Variants in CFAP73 observed in about 807,000 individuals in gnomAD.
The protein encoded by CFAP73 is cilia- and flagella-associated protein 73.
CFAP73 carries 33 observed loss-of-function variants against 42.9 expected under a neutral mutation model. The observed-to-expected ratio is 0.77, with a 90% CI of 0.58 to 1.03. CFAP73 has a LOEUF of 1.03. CFAP73 is among the 50% of genes least tolerant of loss of function. The pLI is 0.00. For missense variants in CFAP73, 392 were observed against 411.9 expected, an observed-to-expected ratio of 0.95 and a Z score of 0.42; for synonymous variants, 162 against 186.8, an observed-to-expected ratio of 0.87 and a Z score of 1.08.
chr12:113,154,609 G>A lies in CFAP73; in HGVS notation c.664G>A (p.Ala222Thr). 1 of 1,414,756 alleles carries A rather than the reference G, an allele frequency of 7.1e-7. No homozygotes were observed. The highest frequency in any genetic ancestry group is 3.4e-5 in the Admixed American group (1 of 29,820). 87.6% of individuals were successfully genotyped at this position (1,414,756 alleles called of 1,614,324 possible). The change falls in exon 5 of 8, where the codon GCT becomes ACT. Residue 222 changes from alanine to threonine, a missense_variant. Coordinates refer to ENST00000335621, the MANE Select transcript of CFAP73 (RefSeq NM_001144872.3). This position sits in a 1 kb window ranked among gnomAD's most constrained non-coding sequence, Gnocchi z 4.7. ...RRAQLQERLE[A>T]ARERTLQWES... ...GGCACAGCTGCAGGAGCGCCTGGAG[G>A]CTGCCAGGGAGCGTACGCTGCAGTG...
rs1211246882 is a variant in CFAP73, at chr12:113,152,533, G to A, written c.163-250G>A. Among the ~76,000 whole-genome samples, 4 of 152,250 alleles carry A rather than the reference G, an allele frequency of 2.6e-5. No individual in the cohort carries two copies. The East Asian group carries it at 7.7e-4, about 29-fold the overall frequency. ...GCAAGAACCAAACACAGGTGGTTGA[G>A]TGGCTGGAAGACAGAATATGGGAGG... On this transcript the variant is annotated intron_variant, in intron 2 of 7. Coordinates refer to ENST00000335621, the MANE Select transcript of CFAP73 (RefSeq NM_001144872.3).
In CFAP73 at chr12:113,158,621, A is replaced by C. The variant is rs565984923; in HGVS notation, c.*12-80A>C. The C allele has an allele frequency of 2.2e-6, 1 of 464,854 alleles. No individual in the cohort carries two copies. The highest frequency in any genetic ancestry group is 2.0e-5 in the African/African-American group (1 of 49,904). The allele number at this position is 464,854 out of a possible 1,614,324, so 28.8% of individuals were successfully genotyped here. On this transcript the variant is annotated intron_variant, in intron 7 of 7. Transcript: ENST00000335621. The surrounding 1 kb of genome is among the most constrained non-coding windows in gnomAD (Gnocchi z 4.9). ...GGAAGCAGCAGCAGCTGAGTTGCCA[A>C]CTCAAGTCTTGGCCTGCCTGGCTTT...
chr12:113,153,545 A>T (rs1368893530), intron 4 of CFAP73, 137 bp downstream of exon 4: 14 of 711,480 alleles, frequency 2.0e-5, no homozygotes, highest in Non-Finnish European at 2.9e-5. Flanking sequence ...ACTATCACTT[A>T]TGGAGCGCTC....
In CFAP73 at chr12:113,154,381, C is replaced by T; in HGVS notation, c.469-33C>T. 6.5e-7 allele frequency: 1 copy of T among 1,547,020 alleles called. No homozygotes were observed. Among genetic ancestry groups the T allele is most frequent in the Non-Finnish European group, 8.7e-7 (1 of 1,145,246 alleles). On this transcript the variant is annotated intron_variant, in intron 4 of 7. Coordinates refer to ENST00000335621, the MANE Select transcript of CFAP73 (RefSeq NM_001144872.3). This position sits in a 1 kb window ranked among gnomAD's most constrained non-coding sequence, Gnocchi z 4.7. The stretch of plus-strand genomic sequence containing the variant: ...ATGGAGAGGGTAAGGCACTGCAGGC[C>T]CATGTGAGTCCCTTCCCCGCCCCCG...
At chr12:113,150,093 T>G (rs1209441582) in intron 1 of CFAP73, among the ~76,000 whole-genome samples, 180 bp downstream of exon 1, 7 of 152,152 alleles carry the variant, frequency 4.6e-5, no homozygotes, top group Non-Finnish European at 7.4e-5. Flanking sequence ...CACCATGGTC[T>G]CAGGGATCGT....
chr12:113,151,465 A>G (rs1952060187), intron 1 of CFAP73, among the ~76,000 whole-genome samples: 1 of 152,132 alleles, frequency 6.6e-6, no homozygotes, highest in African/African-American at 2.4e-5. Context: ...CCTGAATGAC[A>G]GAGCAAGACT....
rs183968651 is a variant in CFAP73, at chr12:113,157,285, A to G, written c.850-317A>G. 4.2e-4 allele frequency: 160 copies of G among 380,976 alleles called. 2 individuals are homozygous for G. The East Asian group carries it at 6.7e-3, about 16-fold the overall frequency. The allele number at this position is 380,976 out of a possible 1,614,324, so 23.6% of individuals were successfully genotyped here. On this transcript the variant is annotated intron_variant, in intron 6 of 7. Coordinates refer to ENST00000335621, the MANE Select transcript of CFAP73 (RefSeq NM_001144872.3). Reference sequence around the variant, plus strand: ...AAGAGTAGGTCACAAACCAATGAATATGACTGATCCAGTTACAAGAAAATA... The same window carrying G: ...AAGAGTAGGTCACAAACCAATGAATGTGACTGATCCAGTTACAAGAAAATA...
At chr12:113,155,915 G>C (rs969209670) in intron 6 of CFAP73, among the ~76,000 whole-genome samples, 5 of 150,834 alleles carry the variant, frequency 3.3e-5, no homozygotes, top group Non-Finnish European at 5.9e-5. Context: ...GTGTGGTGTA[G>C]AATGTGCCAT....
At chr12:113,153,604 G>C (rs1952086966) in intron 4 of CFAP73, among the ~76,000 whole-genome samples, 196 bp downstream of exon 4, 1 of 152,114 alleles carries the variant, frequency 6.6e-6, no homozygotes, top group African/African-American at 2.4e-5. Context: ...TAGTTTTGGA[G>C]GTTTTTTGAG....
rs1411798609 is a variant in CFAP73 at position 113,158,935 on chromosome 12, T to C, written c.*246T>C. 3 of 1,610,188 alleles carry C rather than the reference T, an allele frequency of 1.9e-6. No individual in the cohort carries two copies. Among genetic ancestry groups the C allele is most frequent in the Non-Finnish European group, 2.5e-6 (3 of 1,177,380 alleles). ...GCGGGCACCCCGGCCGAAGGCGCCCTGCTGCAGCTCCTGGACGCGGCGGCG... is the reference window on the plus strand; with the variant it reads ...GCGGGCACCCCGGCCGAAGGCGCCCCGCTGCAGCTCCTGGACGCGGCGGCG... On this transcript the variant is annotated 3_prime_UTR_variant, in exon 8 of 8. Coordinates refer to ENST00000335621, the MANE Select transcript of CFAP73 (RefSeq NM_001144872.3). The surrounding 1 kb of genome is among the most constrained non-coding windows in gnomAD (Gnocchi z 4.9).
chr12:113,150,447 C>G (rs919781091), intron 1 of CFAP73, among the ~76,000 whole-genome samples: 1 of 152,188 alleles, frequency 6.6e-6, no homozygotes, highest in African/African-American at 2.4e-5. Context: ...CTGCAGAGGT[C>G]TCAGGCATCT....
chr12:113,155,399 C>A lies in CFAP73; in HGVS notation c.830C>A (p.Thr277Lys). The A allele has an allele frequency of 1.3e-6, 2 of 1,550,440 alleles. No individual in the cohort carries two copies. Among genetic ancestry groups the A allele is most frequent in the Non-Finnish European group, 1.7e-6 (2 of 1,146,004 alleles). The change falls in exon 6 of 8, where the codon ACG becomes AAG. Residue 277 changes from threonine (T) to lysine (K), a missense_variant. By Grantham distance (78) the Thr-to-Lys change is moderately conservative. Transcript: ENST00000335621. Reference sequence around the variant, plus strand: ...CCTCCCACCCTGGACATCGAGGACACGGAGGGACAGCTAGAGCACGTGAGG... The same window carrying A: ...CCTCCCACCCTGGACATCGAGGACAAGGAGGGACAGCTAGAGCACGTGAGG... ...GQPPTLDIED[T>K]EGQLEHVKLF...
chr12:113,158,907 G>A lies in CFAP73; in HGVS notation c.*218G>A, dbSNP rs1566090966. The A allele has an allele frequency of 6.2e-7, 1 of 1,607,078 alleles. No homozygotes were observed. The highest frequency in any genetic ancestry group is 8.5e-7 in the Non-Finnish European group (1 of 1,175,018). ...TCCTCTTCCGCATCTTGCCCTTCTT[G>A]GAGCGGGCACCCCGGCCGAAGGCGC... On this transcript the variant is annotated 3_prime_UTR_variant, in exon 8 of 8. Coordinates refer to ENST00000335621, the MANE Select transcript of CFAP73 (RefSeq NM_001144872.3). The surrounding 1 kb of genome is among the most constrained non-coding windows in gnomAD (Gnocchi z 4.9).
At chr12:113,150,630 G>A (rs1182670132) in intron 1 of CFAP73, among the ~76,000 whole-genome samples, 1 of 152,018 alleles carries the variant, frequency 6.6e-6, no homozygotes, top group Non-Finnish European at 1.5e-5. Context: ...CACTATCTCT[G>A]GAATATCCCG....
At chr12:113,153,149 C>G in intron 3 of CFAP73, 59 bp from the exon 4 acceptor site, 1 of 1,418,840 alleles carries the variant, frequency 7.0e-7, no homozygotes. Flanking sequence ...ATGGAGGTGC[C>G]GAACTCCCCG....
In CFAP73 at chr12:113,155,399, C is replaced by T. The variant is rs766138491; in HGVS notation, c.830C>T (p.Thr277Met). Residue 277 changes from threonine (T) to methionine (M), a missense_variant, in exon 6 of 8, where the codon ACG (threonine) becomes ATG (methionine). Transcript: ENST00000335621. ...GQPPTLDIED[T>M]EGQLEHVKLF... is the part of the protein sequence containing the mutation. ...CCTCCCACCCTGGACATCGAGGACA[C>T]GGAGGGACAGCTAGAGCACGTGAGG... The T allele has an allele frequency of 1.1e-4, 173 of 1,550,320 alleles. No individual in the cohort carries two copies. Among genetic ancestry groups the T allele is most frequent in the Non-Finnish European group, 1.4e-4 (165 of 1,146,010 alleles).
chr12:113,156,202 G>A (rs755245303), intron 6 of CFAP73, among the ~76,000 whole-genome samples: 27 of 152,040 alleles, frequency 1.8e-4, no homozygotes, highest in Non-Finnish European at 3.7e-4. Context: ...TTACAAGTGT[G>A]AGCCACCACA....
At position 113,154,566 on chromosome 12, in the gene CFAP73, C is replaced by A; in HGVS notation, c.621C>A (p.Leu207=). ...GGGACGCCTGGCCGGACGAGGTGCT[C>A]GCACAGGGCCAGCGGCGGGCACAGC... ...QLRDAWPDEV[L]AQGQRRAQLQ... is the part of the protein sequence containing the mutation. Residue 207 remains leucine (L), a synonymous_variant, in exon 5 of 8, where the codon CTC becomes CTA. Coordinates refer to ENST00000335621, the MANE Select transcript of CFAP73 (RefSeq NM_001144872.3). The surrounding 1 kb of genome is among the most constrained non-coding windows in gnomAD (Gnocchi z 4.7). 2 of 1,453,114 alleles carry A rather than the reference C, an allele frequency of 1.4e-6. No homozygotes were observed. Among genetic ancestry groups the A allele is most frequent in the East Asian group, 2.7e-5 (1 of 36,518 alleles). 90.0% of individuals were successfully genotyped at this position (1,453,114 alleles called of 1,614,324 possible).
chr12:113,154,624 A>G lies in CFAP73; in HGVS notation c.679A>G (p.Thr227Ala). ...GCGCCTGGAGGCTGCCAGGGAGCGTACGCTGCAGTGGGTACGACCCGCCCT... is the reference window on the plus strand; with the variant it reads ...GCGCCTGGAGGCTGCCAGGGAGCGTGCGCTGCAGTGGGTACGACCCGCCCT... ...QERLEAARER[T>A]LQWESKWIQI... is the part of the protein sequence containing the mutation. Residue 227 changes from threonine to alanine, a missense_variant, in exon 5 of 8, where the codon ACG becomes GCG. Coordinates refer to ENST00000335621, the MANE Select transcript of CFAP73 (RefSeq NM_001144872.3). The surrounding 1 kb of genome is among the most constrained non-coding windows in gnomAD (Gnocchi z 4.7). 1 of 1,410,652 alleles carries G rather than the reference A, an allele frequency of 7.1e-7. No homozygotes were observed. 87.4% of individuals were successfully genotyped at this position (1,410,652 alleles called of 1,614,324 possible).
Sources: gnomAD v4.1 joint callset for allele counts (sites outside exome capture counted in the v4.1 genomes callset) on GRCh38, gnomAD v4.1.1 for gene constraint, Gnocchi (gnomAD v3.1) non-coding constraint, MANE v1.5 for transcripts, NCBI Gene and HGNC (gene_info 2026-07-23, HGNC 2026-07-21) for gene names.